The following TENT4B variants were observed in gnomAD, a reference collection of about 807,000 sequenced individuals.
TENT4B encodes the protein terminal nucleotidyltransferase 4B.
A neutral mutation model predicts 75.0 loss-of-function variants in TENT4B; 10 were observed. The observed-to-expected ratio is 0.13, with a 90% CI of 0.08 to 0.23. The LOEUF (loss-of-function observed/expected upper bound fraction) is 0.23. Ranked by LOEUF, TENT4B falls within the 10% of genes least tolerant of loss-of-function variation. The pLI, the probability that TENT4B is intolerant of heterozygous loss-of-function variation, is 1.00. For synonymous variants in TENT4B, 350 were observed against 357.7 expected (o/e 0.98, Z 0.24); for missense variants, 579 against 893.8 (o/e 0.65, Z 4.49).
chr16:50,189,012 T>C (rs1343607855), intron 1 of TENT4B, among the ~76,000 whole-genome samples: 2 of 152,238 alleles, frequency 1.3e-5, no homozygotes, highest in Non-Finnish European at 2.9e-5. Flanking sequence ...TCTGCTTCCC[T>C]GCGTGGTAGA....
chr16:50,200,796 TA>T (rs2030591281), intron 1 of TENT4B, among the ~76,000 whole-genome samples: 1 of 151,364 alleles, frequency 6.6e-6, no homozygotes, highest in South Asian at 2.1e-4. Flanking sequence ...TTGTGTTTTT[TA>T]TTTTTTTTTT....
intron 1 of TENT4B, among the ~76,000 whole-genome samples, chr16:50,170,552 A>G (rs1037511853): frequency 6.6e-6 from 1 of 152,208 alleles, no homozygotes; most frequent in African/African-American, 2.4e-5. Flanking sequence ...CTGTAAGGGA[A>G]GGCTCCAGAA....
Position 50,229,192 on chromosome 16 carries a change from T to A in TENT4B, c.2006T>A (p.Phe669Tyr), listed in dbSNP as rs1367423952. 1.2e-6 allele frequency: 2 copies of A among 1,613,878 alleles called. No homozygotes were observed. Among genetic ancestry groups the A allele is most frequent in the Non-Finnish European group, 1.7e-6 (2 of 1,179,834 alleles). ...CTCTTTCGTTCTTCCAGCAAAGGCT[T>A]CCAAGGTACAACTCAAACAAGCCAT... The part of the protein sequence containing the change: ...ARLFRSSSKG[F>Y]QGTTQTSHGS... The change falls in exon 12 of 12, where the codon TTC (phenylalanine) becomes TAC (tyrosine). Residue 669 changes from phenylalanine (F) to tyrosine (Y), a missense_variant. By Grantham distance (22) the Phe-to-Tyr change is conservative (BLOSUM62 3). Coordinates refer to ENST00000561678, the MANE Select transcript of TENT4B (RefSeq NM_001365324.3).
rs2032289345 is a variant in TENT4B, at chr16:50,231,396, C to T, written c.*2068C>T. 2.0e-6 allele frequency: 2 copies of T among 982,800 alleles called. No individual in the cohort carries two copies. The highest frequency in any genetic ancestry group is 9.4e-5 in the South Asian group (2 of 21,222). The allele number at this position is 982,800 out of a possible 1,614,324, so 60.9% of individuals were successfully genotyped here. On this transcript the variant is annotated 3_prime_UTR_variant, in exon 12 of 12. Coordinates refer to ENST00000561678, the MANE Select transcript of TENT4B (RefSeq NM_001365324.3). ...ATAATATTAAATCCAGTATTAGCTG[C>T]CTATTTCAGACACTTAATACTTGCA...
intron 1 of TENT4B, among the ~76,000 whole-genome samples, chr16:50,162,481 C>T (rs1012729974): frequency 6.6e-6 from 1 of 152,042 alleles, no homozygotes; most frequent in Non-Finnish European, 1.5e-5. Flanking sequence ...TTAGTGTTAC[C>T]ACTTTTTTAT....
chr16:50,184,747 G>A (rs904713513), intron 1 of TENT4B, among the ~76,000 whole-genome samples: 1 of 152,038 alleles, frequency 6.6e-6, no homozygotes, highest in Non-Finnish European at 1.5e-5. Flanking sequence ...TTTGTGGGGG[G>A]AGCGGAGGGC....
intron 3 of TENT4B, among the ~76,000 whole-genome samples, chr16:50,214,770 A>G (rs2031463191): frequency 6.6e-6 from 1 of 152,228 alleles, no homozygotes; most frequent in South Asian, 2.1e-4. Context: ...AGAGAGATGG[A>G]AAAGGGATCA....
chr16:50,163,148 C>T (rs1290601937), intron 1 of TENT4B, among the ~76,000 whole-genome samples: 1 of 152,128 alleles, frequency 6.6e-6, no homozygotes, highest in Non-Finnish European at 1.5e-5. Flanking sequence ...TTAGCACTGT[C>T]AGGTATTGTA....
In TENT4B at chr16:50,217,649, A is replaced by T; in HGVS notation, c.1024A>T (p.Lys342Ter). ...QNGVRAADLI[K>*]DFTKKYPVLP... ...TGGCGTGAGAGCAGCTGACCTCATC[A>T]AAGATTTTACCAAGGTCAGAGAATT... is the stretch of plus-strand genomic sequence containing the variant. Residue 342 changes from lysine to a stop codon, truncating the protein, a stop_gained, in exon 5 of 12, where the codon AAA (lysine) becomes TAA (stop). Transcript: ENST00000561678. LOFTEE classifies it high-confidence loss of function. 6.6e-7 allele frequency: 1 copy of T among 1,524,156 alleles called. No individual in the cohort carries two copies. The highest frequency in any genetic ancestry group is 8.8e-7 in the Non-Finnish European group (1 of 1,137,610). 94.4% of individuals were successfully genotyped at this position (1,524,156 alleles called of 1,614,324 possible).
At chr16:50,193,460 C>A (rs1206263182) in intron 1 of TENT4B, among the ~76,000 whole-genome samples, 1 of 151,622 alleles carries the variant, frequency 6.6e-6, no homozygotes, top group Non-Finnish European at 1.5e-5. Context: ...GCCTCAGCCT[C>A]CCGAGTAGCT....
At chr16:50,200,240 C>A (rs575454537) in intron 1 of TENT4B, among the ~76,000 whole-genome samples, 1 of 151,718 alleles carries the variant, frequency 6.6e-6, no homozygotes, top group South Asian at 2.1e-4. Context: ...GTCTTATGTG[C>A]CTATAGTCCT....
intron 2 of TENT4B, 21 bp from the exon 3 acceptor site, chr16:50,214,197 TAAC>T (rs1254683926): frequency 3.3e-6 from 5 of 1,530,492 alleles, no homozygotes; most frequent in African/African-American, 2.7e-5. Flanking sequence ...CTCAATATAA[TAAC>T]AACTTCTTTT....
At chr16:50,200,797 AT>A (rs768302382) in intron 1 of TENT4B, among the ~76,000 whole-genome samples, 105 of 142,678 alleles carry the variant, frequency 7.4e-4, no homozygotes, top group Middle Eastern at 3.6e-3. Flanking sequence ...TGTGTTTTTT[AT>A]TTTTTTTTTT....
At chr16:50,200,855 C>T (rs768598708) in intron 1 of TENT4B, among the ~76,000 whole-genome samples, 10 of 151,822 alleles carry the variant, frequency 6.6e-5, no homozygotes, top group Admixed American at 3.9e-4. Context: ...AGTGCAGTGG[C>T]ATGAACATGG....
At chr16:50,225,518 A>G (rs1567514628) in intron 10 of TENT4B, among the ~76,000 whole-genome samples, 1 of 152,224 alleles carries the variant, frequency 6.6e-6, no homozygotes, top group Non-Finnish European at 1.5e-5. Flanking sequence ...AGATTCTGCT[A>G]TTAACCTTTT....
At chr16:50,225,729 C>T (rs2032020517) in intron 10 of TENT4B, among the ~76,000 whole-genome samples, 1 of 151,358 alleles carries the variant, frequency 6.6e-6, no homozygotes, top group Admixed American at 6.6e-5. Flanking sequence ...GTCACCCAGG[C>T]TGGAGTGCAG....
At chr16:50,226,455 G>A (rs79106555) in intron 10 of TENT4B, among the ~76,000 whole-genome samples, 12 of 151,874 alleles carry the variant, frequency 7.9e-5, no homozygotes, top group Admixed American at 5.2e-4. Flanking sequence ...TTTTTGAGAC[G>A]GAGTCTCGCT....
At chr16:50,197,134 A>C (rs374586415) in intron 1 of TENT4B, among the ~76,000 whole-genome samples, 48 of 152,084 alleles carry the variant, frequency 3.2e-4, no homozygotes, top group African/African-American at 1.1e-3. Flanking sequence ...ACAAAAAAAA[A>C]ACAGAGTACA....
intron 1 of TENT4B, among the ~76,000 whole-genome samples, chr16:50,179,595 C>G (rs558142237): frequency 7.9e-5 from 12 of 152,294 alleles, no homozygotes; most frequent in African/African-American, 2.4e-4. Context: ...AAGGACCACT[C>G]TGCTTATTCA....
Sources: allele counts gnomAD v4.1 joint callset (sites outside exome capture counted in the v4.1 genomes callset), GRCh38; gene constraint gnomAD v4.1.1; transcripts MANE v1.5; gene names NCBI Gene and HGNC (gene_info 2026-07-23, HGNC 2026-07-21).